Variants in NOS1AP observed in about 807,000 individuals in gnomAD.
The protein encoded by NOS1AP is nitric oxide synthase 1 adaptor protein, also known as carboxyl-terminal PDZ ligand of neuronal nitric oxide synthase protein.
In NOS1AP, 21 loss-of-function variants were observed where a neutral mutation model predicts 56.2. That is an observed-to-expected ratio of 0.37 (90% CI 0.26 to 0.54). NOS1AP has a LOEUF of 0.54. NOS1AP is among the 20% of genes least tolerant of loss of function. The pLI, the probability that NOS1AP is intolerant of heterozygous loss-of-function variation, is 0.84. For missense variants in NOS1AP, 522 were observed against 657.8 expected, an observed-to-expected ratio of 0.79 and a Z score of 2.26; for synonymous variants, 270 against 274.6, an observed-to-expected ratio of 0.98 and a Z score of 0.17.
intron 2 of NOS1AP, among the ~76,000 whole-genome samples, chr1:162,201,178 GT>G (rs1309959794): frequency 1.3e-5 from 2 of 152,120 alleles, no homozygotes; most frequent in African/African-American, 4.8e-5. Flanking sequence ...CTGTTCCTGT[GT>G]TTGTTTGCTA....
chr1:162,337,561 T>G (rs1373882700), intron 5 of NOS1AP, among the ~76,000 whole-genome samples: 1 of 152,172 alleles, frequency 6.6e-6, no homozygotes, highest in Non-Finnish European at 1.5e-5. Context: ...TGAATCACTC[T>G]CTTTGTGGAT....
intron 6 of NOS1AP, among the ~76,000 whole-genome samples, chr1:162,345,236 G>A (rs566539443): frequency 2.7e-4 from 40 of 150,606 alleles, no homozygotes; most frequent in Non-Finnish European, 2.1e-4. Flanking sequence ...TACATGTGCC[G>A]TGCTGGTGCG....
At chr1:162,196,133 A>G (rs1193640413) in intron 2 of NOS1AP, among the ~76,000 whole-genome samples, 2 of 152,198 alleles carry the variant, frequency 1.3e-5, no homozygotes, top group Admixed American at 6.5e-5. Context: ...GGTTTTCTGT[A>G]TCTATACACT....
rs1012227799 is a variant in NOS1AP, at chr1:162,368,450, AAGAAAAAAGAG to A, written c.*985_*995del. 3.4e-5 allele frequency: 5 copies of A among 147,808 alleles called. No homozygotes were observed. The highest frequency in any genetic ancestry group is 5.9e-5 in the Non-Finnish European group (4 of 67,306). The allele number at this position is 147,808 out of a possible 1,614,324, so 9.2% of individuals were successfully genotyped here. A position where few individuals can be genotyped will look rare whatever the true frequency, so the allele number is the denominator to read the frequency against. On this transcript the variant is annotated 3_prime_UTR_variant, in exon 10 of 10. Transcript: ENST00000361897. ...TCAGTTTTTACTGCAAAAAAAAAAA[AAGAAAAAAGAG>A]AAAGAAAAAAAAGAATGAATGCAAG...
intron 1 of NOS1AP, among the ~76,000 whole-genome samples, chr1:162,071,709 A>G (rs1691662647): frequency 2.6e-5 from 4 of 152,212 alleles, no homozygotes. Context: ...CTAAGATGGG[A>G]TGCTTGGGTT....
intron 1 of NOS1AP, among the ~76,000 whole-genome samples, chr1:162,070,509 C>G (rs557032221): frequency 3.2e-4 from 48 of 152,322 alleles, no homozygotes; most frequent in African/African-American, 1.1e-3. Flanking sequence ...CCTCACCTCC[C>G]CCTTCCCACC....
intron 1 of NOS1AP, among the ~76,000 whole-genome samples, chr1:162,088,384 A>G (rs1487455941): frequency 6.6e-6 from 1 of 152,158 alleles, no homozygotes; most frequent in Non-Finnish European, 1.5e-5. Context: ...CTGGGTTCCT[A>G]TCATCATTGT....
intron 1 of NOS1AP, among the ~76,000 whole-genome samples, chr1:162,138,252 G>A (rs1204970203): frequency 6.6e-6 from 1 of 152,088 alleles, no homozygotes; most frequent in Non-Finnish European, 1.5e-5. Context: ...GGTCTCTTAG[G>A]AGACTGCAGT....
In NOS1AP at chr1:162,159,893, T is replaced by G. The variant is rs577041543; in HGVS notation, c.177+5417T>G. On this transcript the variant is annotated intron_variant, in intron 2 of 9. Transcript: ENST00000361897. ...TGGTGTGGAGAGAGCTGGGCTGCAG[T>G]GCCCAGCTCCAGCATGTCACTGGGT... is the stretch of plus-strand genomic sequence containing the variant. Among the ~76,000 whole-genome samples the G allele has an allele frequency of 1.5e-3, 236 of 152,258 alleles. 1 individual carries two copies. The highest frequency in any genetic ancestry group is 2.2e-3 in the Non-Finnish European group (153 of 68,008).
rs537274028 is a variant in NOS1AP at position 162,229,711 on chromosome 1, C to T, written c.178-57633C>T. 4.6e-5 allele frequency among the ~76,000 whole-genome samples: 7 copies of T among 152,244 alleles called. No homozygotes were observed. The South Asian group carries it at 1.5e-3, about 32-fold the overall frequency. ...GGTAGAAGACATAGCCCTTGATTGA[C>T]TTATGAGTTTCAGTTCTTAATGTGC... On this transcript the variant is annotated intron_variant, in intron 2 of 9. Transcript: ENST00000361897.
intron 2 of NOS1AP, among the ~76,000 whole-genome samples, chr1:162,167,544 G>C (rs1301223523): frequency 6.6e-6 from 1 of 152,216 alleles, no homozygotes; most frequent in Non-Finnish European, 1.5e-5. Context: ...GCCTGGCCCT[G>C]GTGCCAGGGT....
chr1:162,211,140 G>T (rs1434832356), intron 2 of NOS1AP, among the ~76,000 whole-genome samples: 5 of 152,250 alleles, frequency 3.3e-5, no homozygotes, highest in African/African-American at 1.2e-4. Context: ...AGACTGGAGA[G>T]AGCCAGCAGG....
At chr1:162,330,901 A>G (rs558425335) in intron 4 of NOS1AP, among the ~76,000 whole-genome samples, 3 of 152,312 alleles carry the variant, frequency 2.0e-5, no homozygotes, top group East Asian at 1.9e-4. Flanking sequence ...AGTGATGGCT[A>G]TTGGGGAACA....
intron 3 of NOS1AP, among the ~76,000 whole-genome samples, chr1:162,289,061 GA>G (rs1309015685): frequency 2.0e-5 from 3 of 152,030 alleles, no homozygotes; most frequent in Non-Finnish European, 2.9e-5. Context: ...ATCCTCAGAG[GA>G]AAAAAATGGG....
In NOS1AP at chr1:162,188,998, A is replaced by G. The variant is rs1271254023; in HGVS notation, c.177+34522A>G. ...CTTGAACCCAAGAAGCGGAGGTTGC[A>G]GTGAGCCGAGATTGCACCACTGCAC... On this transcript the variant is annotated intron_variant, in intron 2 of 9. Coordinates refer to ENST00000361897, the MANE Select transcript of NOS1AP (RefSeq NM_014697.3). This position sits in a 1 kb window ranked among gnomAD's most constrained non-coding sequence, Gnocchi z 4.0. Among the ~76,000 whole-genome samples the G allele has an allele frequency of 1.3e-5, 2 of 152,184 alleles. No homozygotes were observed. Among genetic ancestry groups the G allele is most frequent in the African/African-American group, 2.4e-5 (1 of 41,428 alleles).
intron 1 of NOS1AP, among the ~76,000 whole-genome samples, chr1:162,147,117 C>T (rs1424400746): frequency 1.3e-5 from 2 of 152,040 alleles, no homozygotes; most frequent in Non-Finnish European, 2.9e-5. Flanking sequence ...ATCACGAGGT[C>T]AGGAGATTGA....
intron 1 of NOS1AP, among the ~76,000 whole-genome samples, chr1:162,088,506 T>G (rs1385060797): frequency 6.6e-6 from 1 of 152,166 alleles, no homozygotes; most frequent in African/African-American, 2.4e-5. Flanking sequence ...TTATCGAGCC[T>G]GATTTATGAG....
chr1:162,316,430 G>C (rs1656231681), intron 4 of NOS1AP, among the ~76,000 whole-genome samples: 1 of 152,170 alleles, frequency 6.6e-6, no homozygotes. Flanking sequence ...CCTTCCTCTG[G>C]TTGGCCGAGG....
At chr1:162,226,446 T>C (rs1240401799) in intron 2 of NOS1AP, among the ~76,000 whole-genome samples, 1 of 152,232 alleles carries the variant, frequency 6.6e-6, no homozygotes, top group Non-Finnish European at 1.5e-5. Flanking sequence ...TAGTATTTAC[T>C]TAGTAATTCT....
Sources: allele counts gnomAD v4.1 joint callset (sites outside exome capture counted in the v4.1 genomes callset), GRCh38; gene constraint gnomAD v4.1.1; non-coding constraint Gnocchi (gnomAD v3.1); transcripts MANE v1.5; gene names NCBI Gene and HGNC (gene_info 2026-07-23, HGNC 2026-07-21).